PACRG: variants seen among roughly 807,000 people sequenced by gnomAD.
PACRG encodes the protein parkin coregulated gene protein.
A neutral mutation model predicts 29.7 loss-of-function variants in PACRG; 29 were observed. The observed-to-expected ratio is 0.98, with a 90% CI of 0.73 to 1.33. The LOEUF is 1.33. Ranked by LOEUF, PACRG falls within the 40% of genes most tolerant of loss-of-function variation. The pLI is 0.00. For synonymous variants in PACRG, 116 were observed against 118.7 expected, an observed-to-expected ratio of 0.98 and a Z score of 0.15; for missense variants, 279 against 316.2, an observed-to-expected ratio of 0.88 and a Z score of 0.89.
intron 4 of PACRG, among the ~76,000 whole-genome samples, chr6:163,115,763 A>G (rs961868975): frequency 2.6e-5 from 4 of 152,006 alleles, no homozygotes; most frequent in East Asian, 1.9e-4. Context: ...CTTCCACGCT[A>G]CTCTTGGGTC....
intron 4 of PACRG, among the ~76,000 whole-genome samples, chr6:163,196,881 A>G (rs559075085): frequency 5.3e-5 from 8 of 152,060 alleles, no homozygotes; most frequent in African/African-American, 1.5e-4. Flanking sequence ...AGACAGGTAG[A>G]TAGATGGATA....
chr6:162,858,855 G>A (rs887151876), intron 2 of PACRG, among the ~76,000 whole-genome samples: 1 of 152,178 alleles, frequency 6.6e-6, no homozygotes, highest in Admixed American at 6.5e-5. Flanking sequence ...AGGTCAAAGA[G>A]TGGCCTTCCC....
chr6:162,913,810 T>C (rs922170378), intron 2 of PACRG, among the ~76,000 whole-genome samples: 3 of 152,178 alleles, frequency 2.0e-5, no homozygotes, highest in African/African-American at 7.2e-5. Context: ...ATTGAGCATA[T>C]TTTGTGTACT....
At chr6:162,911,087 T>A (rs941995866) in intron 2 of PACRG, among the ~76,000 whole-genome samples, 1 of 152,264 alleles carries the variant, frequency 6.6e-6, no homozygotes, top group Admixed American at 6.5e-5. Flanking sequence ...TTCTAAGTCA[T>A]GATGCGCATC....
chr6:163,205,067 A>T (rs942191965), intron 4 of PACRG, among the ~76,000 whole-genome samples: 5 of 152,238 alleles, frequency 3.3e-5, no homozygotes, highest in African/African-American at 9.6e-5. Flanking sequence ...GAAATCAGAG[A>T]TGACACAAAC....
intron 4 of PACRG, among the ~76,000 whole-genome samples, chr6:163,125,503 C>T (rs1585244434): frequency 6.6e-6 from 1 of 152,132 alleles, no homozygotes; most frequent in Non-Finnish European, 1.5e-5. Flanking sequence ...ACACATGCAA[C>T]AGTAAAGGCT....
intron 1 of PACRG, among the ~76,000 whole-genome samples, chr6:162,780,325 A>G (rs1324604818): frequency 6.6e-6 from 1 of 152,230 alleles, no homozygotes; most frequent in African/African-American, 2.4e-5. Flanking sequence ...AACAAAGCTT[A>G]AAGGCAAGAC....
chr6:163,240,272 T>C lies in PACRG; in HGVS notation c.614-74555T>C, dbSNP rs374515694. Among the ~76,000 whole-genome samples, 59 of 146,446 alleles carry C rather than the reference T, an allele frequency of 4.0e-4. No homozygotes were observed. In the South Asian group the frequency reaches 0.012, roughly 31 times the overall value. On this transcript the variant is annotated intron_variant, in intron 4 of 4. Transcript: ENST00000366888. Reference sequence around the variant, plus strand: ...GGAGGGGGGGACGTGCAAGGGACGATTGGGGGGTGCATTAAGAAAGAAACC... The same window carrying C: ...GGAGGGGGGGACGTGCAAGGGACGACTGGGGGGTGCATTAAGAAAGAAACC...
intron 4 of PACRG, among the ~76,000 whole-genome samples, chr6:163,167,365 A>G (rs1185993315): frequency 6.6e-6 from 1 of 152,234 alleles, no homozygotes; most frequent in East Asian, 1.9e-4. Flanking sequence ...AAAGCATCAG[A>G]GGGTCGCAGC....
intron 2 of PACRG, among the ~76,000 whole-genome samples, chr6:162,832,850 G>T (rs539751449): frequency 1.4e-3 from 207 of 149,726 alleles, no homozygotes; most frequent in Non-Finnish European, 2.7e-3. Flanking sequence ...AAATAAAGAT[G>T]ATTCCAAATA....
At chr6:163,197,439 T>C (rs6909764) in intron 4 of PACRG, among the ~76,000 whole-genome samples, 31,992 of 113,916 alleles carry the variant, frequency 0.28, 2,703 homozygotes, top group East Asian at 0.4. Flanking sequence ...CTTTTCTTTT[T>C]TTTTTTTTTT....
intron 2 of PACRG, among the ~76,000 whole-genome samples, chr6:163,041,614 T>G (rs1194532589): frequency 6.6e-6 from 1 of 152,182 alleles, no homozygotes; most frequent in Non-Finnish European, 1.5e-5. Context: ...ATCTCTTTCC[T>G]TCGTAAATTA....
At chr6:163,222,377 C>T (rs1464813360) in intron 4 of PACRG, among the ~76,000 whole-genome samples, 2 of 152,088 alleles carry the variant, frequency 1.3e-5, no homozygotes, top group Admixed American at 6.6e-5. Flanking sequence ...GTCAGGCGTT[C>T]GAAACCAGCC....
At chr6:162,975,940 A>T (rs563101663) in intron 2 of PACRG, among the ~76,000 whole-genome samples, 1 of 152,218 alleles carries the variant, frequency 6.6e-6, no homozygotes, top group Non-Finnish European at 1.5e-5. Context: ...CCCCCTCGGA[A>T]TTTGCACATC....
intron 2 of PACRG, among the ~76,000 whole-genome samples, chr6:162,814,558 C>T (rs1328310001): frequency 6.6e-6 from 1 of 152,068 alleles, no homozygotes; most frequent in Non-Finnish European, 1.5e-5. Context: ...CCTGGCAGCC[C>T]GGCCTGTTTC....
At chr6:163,156,442 C>T (rs1778319348) in intron 4 of PACRG, among the ~76,000 whole-genome samples, 1 of 152,108 alleles carries the variant, frequency 6.6e-6, no homozygotes. Flanking sequence ...CCCAGTGCGC[C>T]ACAGGTCATA....
At chr6:162,819,755 A>G (rs1787680460) in intron 2 of PACRG, among the ~76,000 whole-genome samples, 1 of 152,210 alleles carries the variant, frequency 6.6e-6, no homozygotes, top group South Asian at 2.1e-4. Context: ...CACTTTCCTT[A>G]TCTGTAAGTG....
intron 4 of PACRG, among the ~76,000 whole-genome samples, chr6:163,163,490 T>A (rs557948796): frequency 6.6e-6 from 1 of 152,314 alleles, no homozygotes; most frequent in East Asian, 1.9e-4. Flanking sequence ...CAGGCTGGTC[T>A]CAAACTCCGG....
At chr6:162,983,949 T>G (rs2128175288) in intron 2 of PACRG, among the ~76,000 whole-genome samples, 1 of 152,182 alleles carries the variant, frequency 6.6e-6, no homozygotes, top group African/African-American at 2.4e-5. Flanking sequence ...CCAATTATTC[T>G]TAGGTTTACC....
Sources: gnomAD v4.1 joint callset for allele counts (sites outside exome capture counted in the v4.1 genomes callset) on GRCh38, gnomAD v4.1.1 for gene constraint, MANE v1.5 for transcripts, NCBI Gene and HGNC (gene_info 2026-07-23, HGNC 2026-07-21) for gene names.